The following CSMD1 variants were observed in gnomAD, a reference collection of about 807,000 sequenced individuals.
CSMD1 encodes CUB and sushi domain-containing protein 1.
CSMD1 carries 213 observed loss-of-function variants against 417.5 expected under a neutral mutation model. The ratio of observed to expected loss-of-function variants is 0.51; its 90% CI spans 0.46 to 0.57. The LOEUF (loss-of-function observed/expected upper bound fraction) is 0.57, where lower values mean the gene tolerates loss of function less well. Ranked by LOEUF, CSMD1 falls within the 20% of genes least tolerant of loss-of-function variation. The probability of loss-of-function intolerance (pLI) is 0.00; values close to 1 mark genes in which losing one functional copy is unlikely to be tolerated. For missense variants in CSMD1, 6,923 were observed against 4,529.7 expected (o/e 1.53, Z -15.17); for synonymous variants, 2,862 against 1,736.8 (o/e 1.65, Z -16.11).
chr8:4,923,533 T>C (rs1806641638), intron 1 of CSMD1, among the ~76,000 whole-genome samples: 2 of 152,038 alleles, frequency 1.3e-5, no homozygotes. Flanking sequence ...TATTCATATA[T>C]ATATATACTA....
At chr8:3,149,874 C>T (rs937532653) in intron 40 of CSMD1, among the ~76,000 whole-genome samples, 1 of 152,144 alleles carries the variant, frequency 6.6e-6, no homozygotes, top group African/African-American at 2.4e-5. Context: ...TGCAGTTTGC[C>T]TCAGATTTCT....
chr8:3,091,393 T>C (rs765054166), intron 48 of CSMD1, 123 bp downstream of exon 48: 14 of 632,214 alleles, frequency 2.2e-5, no homozygotes, highest in East Asian at 3.2e-5. Flanking sequence ...ATTTCTACTG[T>C]AGTTAATTAT....
intron 1 of CSMD1, among the ~76,000 whole-genome samples, chr8:4,740,613 G>A (rs1016030244): frequency 6.6e-6 from 1 of 152,184 alleles, no homozygotes; most frequent in African/African-American, 2.4e-5. Context: ...TTGATGAAAT[G>A]TTGTGGAAGA....
At chr8:3,578,218 T>C (rs1317403078) in intron 9 of CSMD1, among the ~76,000 whole-genome samples, 1 of 151,870 alleles carries the variant, frequency 6.6e-6, no homozygotes, top group African/African-American at 2.4e-5. Flanking sequence ...ATTTGGAAAA[T>C]AGAAAAAGAA....
At chr8:3,812,103 A>T (rs1257243148) in intron 5 of CSMD1, among the ~76,000 whole-genome samples, 1 of 152,174 alleles carries the variant, frequency 6.6e-6, no homozygotes, top group African/African-American at 2.4e-5. Flanking sequence ...AAGCTACACA[A>T]TAATTTCCTT....
chr8:3,423,458 C>G (rs987432744), intron 12 of CSMD1, among the ~76,000 whole-genome samples: 1 of 152,192 alleles, frequency 6.6e-6, no homozygotes, highest in Non-Finnish European at 1.5e-5. Context: ...GTTTCTTTCA[C>G]TGAGTGTAAT....
At chr8:3,709,191 G>T (rs550794070) in intron 6 of CSMD1, among the ~76,000 whole-genome samples, 3 of 150,976 alleles carry the variant, frequency 2.0e-5, no homozygotes, top group African/African-American at 7.4e-5. Context: ...AAAAATGGGG[G>T]ATGCATCTTG....
chr8:4,329,849 T>TACACAC (rs3067537), intron 3 of CSMD1, among the ~76,000 whole-genome samples: 17,715 of 150,216 alleles, frequency 0.12, 1,288 homozygotes, highest in Middle Eastern at 0.18. Flanking sequence ...CCACCCTGCT[T>TACACAC]ACACACACAC....
At chr8:3,603,889 GGCTTAAT>G in intron 8 of CSMD1, among the ~76,000 whole-genome samples, 1 of 152,200 alleles carries the variant, frequency 6.6e-6, no homozygotes, top group Non-Finnish European at 1.5e-5. Context: ...AAATGGCCAA[GGCTTAAT>G]GCTTAATACA....
chr8:4,387,486 T>A (rs569201942), intron 3 of CSMD1, among the ~76,000 whole-genome samples: 34 of 146,874 alleles, frequency 2.3e-4, no homozygotes, highest in Non-Finnish European at 4.2e-4. Context: ...TTTCATATCA[T>A]ACTTGCATAA....
At position 3,602,826 on chromosome 8, in the gene CSMD1, T is replaced by G. The variant is rs540888314; in HGVS notation, c.1097+13884A>C. On this transcript the variant is annotated intron_variant, in intron 8 of 69. Coordinates refer to ENST00000635120, the MANE Select transcript of CSMD1 (RefSeq NM_033225.6). Reference sequence around the variant, plus strand: ...CCCGAGATGGCATATCTGATGATCATGACAAACTGGGCTTTTGTTGATAAT... The same window carrying G: ...CCCGAGATGGCATATCTGATGATCAGGACAAACTGGGCTTTTGTTGATAAT... Among the ~76,000 whole-genome samples the G allele has an allele frequency of 2.6e-5, 4 of 152,274 alleles. No individual in the cohort carries two copies. In the East Asian group the frequency reaches 7.7e-4, roughly 29 times the overall value.
intron 2 of CSMD1, among the ~76,000 whole-genome samples, chr8:4,538,941 T>C (rs551514566): frequency 6.6e-6 from 1 of 152,312 alleles, no homozygotes; most frequent in African/African-American, 2.4e-5. Context: ...GCAGAAAGCT[T>C]TATTTTTTCA....
chr8:2,974,253 T>C lies in CSMD1; in HGVS notation c.8740+198A>G, dbSNP rs74486837. On this transcript the variant is annotated intron_variant, in intron 56 of 69. Transcript: ENST00000635120. ...CCCCGGAGGAGAACATTTAAAGTAA[T>C]GGTGTCTAACGATTATTGCGAAGAT... Among the ~76,000 whole-genome samples the C allele has an allele frequency of 8.9e-3, 1,357 of 152,322 alleles. 14 individuals carry two copies. Among genetic ancestry groups the C allele is most frequent in the African/African-American group, 0.031 (1,275 of 41,578 alleles).
chr8:3,275,511 T>C (rs568846137), intron 26 of CSMD1, among the ~76,000 whole-genome samples: 1 of 152,344 alleles, frequency 6.6e-6, no homozygotes, highest in South Asian at 2.1e-4. Flanking sequence ...CTGGATAATA[T>C]CCTGCAGAGT....
chr8:3,415,617 C>G (rs1396435561), intron 12 of CSMD1, among the ~76,000 whole-genome samples: 1 of 152,004 alleles, frequency 6.6e-6, no homozygotes, highest in East Asian at 2.0e-4. Flanking sequence ...CCTCTAGCCT[C>G]CCAACAGGCT....
chr8:3,993,633 G>A (rs753589411), intron 5 of CSMD1, among the ~76,000 whole-genome samples: 5 of 152,152 alleles, frequency 3.3e-5, no homozygotes, highest in African/African-American at 1.2e-4. Context: ...ATAGGCAAAA[G>A]GGTCAAGTTA....
intron 6 of CSMD1, among the ~76,000 whole-genome samples, chr8:3,739,533 C>T (rs1453080706): frequency 6.6e-6 from 1 of 151,972 alleles, no homozygotes; most frequent in Non-Finnish European, 1.5e-5. Context: ...ATAATTATTA[C>T]ACGTCAATTG....
chr8:3,926,082 TACACACACACACACACACACACACACAC>T (rs58966907), intron 5 of CSMD1, among the ~76,000 whole-genome samples: 1,706 of 103,960 alleles, frequency 0.016, 53 homozygotes, highest in African/African-American at 0.049. Context: ...ACAAACACCA[TACACACACACACACACACACACACACAC>T]ACACACACAC....
chr8:3,851,360 G>A (rs760155583), intron 5 of CSMD1, among the ~76,000 whole-genome samples: 57 of 152,146 alleles, frequency 3.7e-4, no homozygotes, highest in Non-Finnish European at 2.9e-5. Context: ...TTCCCCAAAT[G>A]GCCATCCCTG....
Sources: gnomAD v4.1 joint callset for allele counts (sites outside exome capture counted in the v4.1 genomes callset) on GRCh38, gnomAD v4.1.1 for gene constraint, MANE v1.5 for transcripts, NCBI Gene and HGNC (gene_info 2026-07-23, HGNC 2026-07-21) for gene names.